The following CATSPERD variants were observed in gnomAD, a reference collection of about 807,000 sequenced individuals.
The protein encoded by CATSPERD is cation channel sperm-associated auxiliary subunit delta.
CATSPERD carries 86 observed loss-of-function variants against 98.1 expected under a neutral mutation model. The ratio of observed to expected loss-of-function variants is 0.88; its 90% CI spans 0.74 to 1.05. The LOEUF (loss-of-function observed/expected upper bound fraction) is 1.05. CATSPERD is among the 50% of genes least tolerant of loss of function. The probability of loss-of-function intolerance (pLI) is 0.00; values close to 1 mark genes in which losing one functional copy is unlikely to be tolerated. For synonymous variants in CATSPERD, 394 were observed against 390.2 expected, an observed-to-expected ratio of 1.01 and a Z score of -0.12; for missense variants, 995 against 1,005.7, an observed-to-expected ratio of 0.99 and a Z score of 0.14.
intron 21 of CATSPERD, among the ~76,000 whole-genome samples, chr19:5,777,790 G>A (rs1440658571): frequency 2.0e-5 from 3 of 152,006 alleles, no homozygotes; most frequent in Admixed American, 6.6e-5. Context: ...CAGGAGAATC[G>A]CTTGAACCCG....
chr19:5,772,566 G>C (rs1386530747), intron 19 of CATSPERD: 1 of 547,372 alleles, frequency 1.8e-6, no homozygotes, highest in Admixed American at 3.3e-5. Flanking sequence ...TCAATGCTCA[G>C]TGCTGGCTGC....
chr19:5,721,099 C>CG (rs1419351594), intron 1 of CATSPERD, among the ~76,000 whole-genome samples: 2 of 149,714 alleles, frequency 1.3e-5, no homozygotes, highest in African/African-American at 4.9e-5. Context: ...CCCGGATTCA[C>CG]GCCATTCTCC....
Position 5,746,048 on chromosome 19 carries a change from T to G in CATSPERD, c.793T>G (p.Phe265Val), listed in dbSNP as rs2056087301. 6.2e-7 allele frequency: 1 copy of G among 1,613,990 alleles called. No individual in the cohort carries two copies. ...LLLWFENSLLFSHNAGQLVDT... is the reference protein window; with the variant it reads ...LLLWFENSLLVSHNAGQLVDT... ...CCTATGGTTTGAGAACAGCCTGTTG[T>G]TTTCCCATAATGCAGGTGAGCCCAG... is the stretch of plus-strand genomic sequence containing the variant. The change falls in exon 9 of 22, where the codon TTT (phenylalanine) becomes GTT (valine). Residue 265 changes from phenylalanine to valine, a missense_variant. Coordinates refer to ENST00000381624, the MANE Select transcript of CATSPERD (RefSeq NM_152784.4).
At chr19:5,724,959 A>C (rs2055576153) in intron 2 of CATSPERD, 97 bp downstream of exon 2, 1 of 1,056,322 alleles carries the variant, frequency 9.5e-7, no homozygotes, top group South Asian at 1.3e-5. Flanking sequence ...CGTGTTGTCA[A>C]GCATTTAAGA....
intron 7 of CATSPERD, among the ~76,000 whole-genome samples, chr19:5,741,399 G>C (rs910269327): frequency 6.6e-6 from 1 of 152,158 alleles, no homozygotes; most frequent in Non-Finnish European, 1.5e-5. Flanking sequence ...ACGCCAGCAA[G>C]GTTGTTTTCT....
At chr19:5,746,393 T>C (rs1217603513) in intron 9 of CATSPERD, among the ~76,000 whole-genome samples, 2 of 152,094 alleles carry the variant, frequency 1.3e-5, no homozygotes, top group Non-Finnish European at 2.9e-5. Flanking sequence ...CTGAGGCTGC[T>C]TTTCCAGAGT....
intron 1 of CATSPERD, among the ~76,000 whole-genome samples, chr19:5,724,490 G>A (rs942411307): frequency 3.9e-5 from 6 of 152,098 alleles, no homozygotes; most frequent in Non-Finnish European, 5.9e-5. Context: ...ACGAGGTCAG[G>A]AGTTCAGGAC....
In CATSPERD at chr19:5,767,494, A is replaced by G. The variant is rs140547382; in HGVS notation, c.1560-674A>G. On this transcript the variant is annotated intron_variant, in intron 17 of 21. Coordinates refer to ENST00000381624, the MANE Select transcript of CATSPERD (RefSeq NM_152784.4). ...AGGTGTGCCCTCCCTTTTATATATT[A>G]TTATTATTATTGAGACGGAGTCTTG... Among the ~76,000 whole-genome samples the G allele has an allele frequency of 4.9e-3, 708 of 145,106 alleles. 5 individuals are homozygous for G. Among genetic ancestry groups the G allele is most frequent in the African/African-American group, 0.017 (650 of 39,304 alleles).
chr19:5,769,731 T>C (rs2056609974), intron 18 of CATSPERD, among the ~76,000 whole-genome samples: 1 of 152,136 alleles, frequency 6.6e-6, no homozygotes, highest in East Asian at 1.9e-4. Context: ...AGTGTCATCT[T>C]AGTCTATGTG....
chr19:5,768,148 A>G lies in CATSPERD; in HGVS notation c.1560-20A>G, dbSNP rs754034379. The G allele has an allele frequency of 2.5e-6, 4 of 1,609,758 alleles. No individual in the cohort carries two copies. Among genetic ancestry groups the G allele is most frequent in the South Asian group, 1.1e-5 (1 of 91,004 alleles). ...CTTTGTGAGGTCATGCCATTGCTCA[A>G]TGTCCACTTTTGCTTGCAGCAAAGT... On this transcript the variant is annotated intron_variant, in intron 17 of 21. Transcript: ENST00000381624.
chr19:5,752,006 AT>A lies in CATSPERD; in HGVS notation c.1164+192del, dbSNP rs745584240. On this transcript the variant is annotated intron_variant, in intron 12 of 21. Coordinates refer to ENST00000381624, the MANE Select transcript of CATSPERD (RefSeq NM_152784.4). ...ACACCCATTTCTAAAACAAAAAAAA[AT>A]TTTTTTTTAAAGCTGGGCGTTGGCC... is the stretch of plus-strand genomic sequence containing the variant. 1.1e-4 allele frequency among the ~76,000 whole-genome samples: 17 copies of A among 151,528 alleles called. No individual in the cohort carries two copies. The East Asian group carries it at 2.5e-3, about 22-fold the overall frequency.
chr19:5,775,402 C>T, intron 20 of CATSPERD: 2 of 399,708 alleles, frequency 5.0e-6, no homozygotes, highest in South Asian at 3.7e-5. Flanking sequence ...CTTTGGGAGG[C>T]TGAGGTGGGT....
chr19:5,771,159 G>C, intron 19 of CATSPERD, 87 bp downstream of exon 19: 3 of 1,424,878 alleles, frequency 2.1e-6, no homozygotes, highest in Non-Finnish European at 2.9e-6. Flanking sequence ...GGCCCTCCAG[G>C]CTCCCCTAGA....
At chr19:5,755,548 T>G (rs947497916) in intron 13 of CATSPERD, among the ~76,000 whole-genome samples, 2 of 151,990 alleles carry the variant, frequency 1.3e-5, no homozygotes, top group African/African-American at 4.8e-5. Flanking sequence ...GGTGGGAAGA[T>G]CGCTTGAACC....
rs1324973836 is a variant in CATSPERD, at chr19:5,733,841, T to C, written c.277-15T>C. ...AAGATGCTCTCATTGATATCATCCA[T>C]ATGATAACTTTTAGGTCGGCGTACC... On this transcript the variant is annotated splice_polypyrimidine_tract_variant and intron_variant, in intron 4 of 21. Coordinates refer to ENST00000381624, the MANE Select transcript of CATSPERD (RefSeq NM_152784.4). 7 of 1,524,318 alleles carry C rather than the reference T, an allele frequency of 4.6e-6. No individual in the cohort carries two copies. In the Admixed American group the frequency reaches 1.2e-4, roughly 26 times the overall value. 94.4% of individuals were successfully genotyped at this position (1,524,318 alleles called of 1,614,324 possible).
At position 5,746,003 on chromosome 19, in the gene CATSPERD, G is replaced by A. The variant is rs762200295; in HGVS notation, c.748G>A (p.Gly250Ser). The A allele has an allele frequency of 1.1e-5, 18 of 1,613,962 alleles. 1 individual carries two copies. Among genetic ancestry groups the A allele is most frequent in the South Asian group, 3.3e-5 (3 of 91,066 alleles). Residue 250 changes from glycine (G) to serine (S), a missense_variant, in exon 9 of 22, where the codon GGC (glycine) becomes AGC (serine). Gly to Ser is a moderately conservative substitution (Grantham distance 56). Around this residue, in one of 3 missense-constraint regions of CATSPERD, gnomAD observed 762 missense variants for 773.7 expected, o/e 0.98. Transcript: ENST00000381624. ...NGTLDILIAP[G>S]QRGILLLWFE... Reference sequence around the variant, plus strand: ...GACTCTAGACATCCTCATCGCCCCCGGCCAGAGAGGCATCCTGCTCCTATG... The same window carrying A: ...GACTCTAGACATCCTCATCGCCCCCAGCCAGAGAGGCATCCTGCTCCTATG...
chr19:5,731,709 G>C (rs1482121711), intron 4 of CATSPERD, among the ~76,000 whole-genome samples: 1 of 150,012 alleles, frequency 6.7e-6, no homozygotes, highest in African/African-American at 2.5e-5. Flanking sequence ...CCGAGTAGCT[G>C]GGACTACAGG....
At chr19:5,776,116 C>T (rs767865392) in intron 20 of CATSPERD, 45 bp from the exon 21 acceptor site, 1 of 1,597,064 alleles carries the variant, frequency 6.3e-7, no homozygotes, top group Non-Finnish European at 8.6e-7. Flanking sequence ...TCAGGGCCCC[C>T]TCCCCAGTCC....
chr19:5,771,791 G>A lies in CATSPERD; in HGVS notation c.1763+719G>A, dbSNP rs1023012086. On this transcript the variant is annotated intron_variant, in intron 19 of 21. Transcript: ENST00000381624. ...TTACCATGTTGGTCAGGCTGGTCTCGAACTCCTGACTTCGTGATCCACCTG... is the reference window on the plus strand; with the variant it reads ...TTACCATGTTGGTCAGGCTGGTCTCAAACTCCTGACTTCGTGATCCACCTG... Among the ~76,000 whole-genome samples, 8 of 151,716 alleles carry A rather than the reference G, an allele frequency of 5.3e-5. No individual in the cohort carries two copies. In the East Asian group the frequency reaches 1.4e-3, roughly 26 times the overall value.
Sources: allele counts gnomAD v4.1 joint callset (sites outside exome capture counted in the v4.1 genomes callset), GRCh38; gene constraint gnomAD v4.1.1; regional missense constraint gnomAD v4.1.1; transcripts MANE v1.5; gene names NCBI Gene and HGNC (gene_info 2026-07-23, HGNC 2026-07-21).